Variants in MAGI2 observed in about 807,000 individuals in gnomAD.
MAGI2 encodes membrane-associated guanylate kinase, WW and PDZ domain-containing protein 2.
Under a neutral mutation model 133.3 loss-of-function variants are expected in MAGI2, and 35 were observed. That is an observed-to-expected ratio of 0.26 (90% CI 0.20 to 0.35). The LOEUF (loss-of-function observed/expected upper bound fraction) is 0.35, where lower values mean the gene tolerates loss of function less well. Ranked by LOEUF, MAGI2 falls within the 10% of genes least tolerant of loss-of-function variation. MAGI2 has a pLI of 1.00. For missense variants in MAGI2, 1,636 were observed against 1,863.4 expected (o/e 0.88, Z 2.25); for synonymous variants, 729 against 710.6 (o/e 1.03, Z -0.41).
At chr7:78,867,793 G>A (rs1794703149) in intron 2 of MAGI2, among the ~76,000 whole-genome samples, 1 of 152,124 alleles carries the variant, frequency 6.6e-6, no homozygotes, top group Non-Finnish European at 1.5e-5. Context: ...TAACATAAGA[G>A]TAAGAGACCG....
intron 1 of MAGI2, among the ~76,000 whole-genome samples, chr7:79,320,917 T>C (rs1383434423): frequency 6.6e-6 from 1 of 152,102 alleles, no homozygotes; most frequent in Non-Finnish European, 1.5e-5. Context: ...GGTTTCAAAG[T>C]TCTTATAACA....
intron 1 of MAGI2, among the ~76,000 whole-genome samples, chr7:79,270,961 G>C (rs1002526848): frequency 1.3e-5 from 2 of 151,718 alleles, no homozygotes; most frequent in African/African-American, 4.8e-5. Flanking sequence ...ACACTATCTT[G>C]GTATTTTTTT....
intron 10 of MAGI2, among the ~76,000 whole-genome samples, chr7:78,216,131 A>G (rs1788249004): frequency 2.0e-5 from 3 of 152,222 alleles, no homozygotes; most frequent in African/African-American, 4.8e-5. Context: ...TGTTTTAAGG[A>G]AATATCACCA....
intron 1 of MAGI2, among the ~76,000 whole-genome samples, chr7:79,427,495 A>C (rs966995254): frequency 4.6e-5 from 7 of 152,182 alleles, no homozygotes; most frequent in Non-Finnish European, 8.8e-5. Flanking sequence ...TATCACTTCT[A>C]ATAGAGCAAT....
chr7:79,095,657 C>G (rs1817452973), intron 1 of MAGI2, among the ~76,000 whole-genome samples: 1 of 152,136 alleles, frequency 6.6e-6, no homozygotes, highest in Admixed American at 6.6e-5. Flanking sequence ...GTCTGTGGAA[C>G]AGTCAGAACA....
intron 20 of MAGI2, among the ~76,000 whole-genome samples, chr7:78,097,451 G>A (rs193229182): frequency 6.6e-6 from 1 of 152,170 alleles, no homozygotes; most frequent in Admixed American, 6.5e-5. Context: ...AAGAAAATAT[G>A]GTACCTACAC....
chr7:78,911,653 A>T (rs1348243406), intron 2 of MAGI2, among the ~76,000 whole-genome samples: 2 of 122,448 alleles, frequency 1.6e-5, no homozygotes, highest in Non-Finnish European at 3.3e-5. Context: ...AAATTATAAA[A>T]AATTATGTGT....
intron 1 of MAGI2, among the ~76,000 whole-genome samples, chr7:79,024,369 C>G (rs1481146076): frequency 1.2e-4 from 19 of 152,138 alleles, no homozygotes; most frequent in African/African-American, 4.3e-4. Flanking sequence ...AAATCAAAAA[C>G]TATAAAAACC....
intron 3 of MAGI2, chr7:78,617,700 T>C (rs1181557291): frequency 1.3e-5 from 2 of 152,084 alleles, no homozygotes; most frequent in African/African-American, 2.4e-5. Flanking sequence ...GCATGGTCAA[T>C]AGAGGCCTCA....
At chr7:78,401,396 ACAC>A (rs1796847311) in intron 6 of MAGI2, among the ~76,000 whole-genome samples, 1 of 152,148 alleles carries the variant, frequency 6.6e-6, no homozygotes, top group Non-Finnish European at 1.5e-5. Flanking sequence ...TGGCTTGGCT[ACAC>A]ATTTTAAAAT....
intron 1 of MAGI2, among the ~76,000 whole-genome samples, chr7:79,448,865 A>T (rs1849040999): frequency 6.6e-6 from 1 of 152,290 alleles, no homozygotes; most frequent in Admixed American, 6.5e-5. Flanking sequence ...ACAGATAAAA[A>T]GCAAATAATC....
intron 4 of MAGI2, among the ~76,000 whole-genome samples, chr7:78,512,117 C>G (rs1187339158): frequency 7.0e-6 from 1 of 143,714 alleles, no homozygotes; most frequent in Admixed American, 7.0e-5. Context: ...AGCGAGACTT[C>G]GTCTCAAAAA....
intron 1 of MAGI2, among the ~76,000 whole-genome samples, chr7:79,312,958 G>C (rs1047302781): frequency 6.6e-6 from 1 of 152,054 alleles, no homozygotes; most frequent in African/African-American, 2.4e-5. Flanking sequence ...CTTTGTAAAT[G>C]AACATTTCTA....
intron 2 of MAGI2, among the ~76,000 whole-genome samples, chr7:78,646,959 G>C (rs1461803538): frequency 6.6e-6 from 1 of 152,218 alleles, no homozygotes; most frequent in African/African-American, 2.4e-5. Context: ...TGAGATACAG[G>C]CTACTTGAAT....
chr7:78,252,363 C>G (rs1792489424), intron 10 of MAGI2: 1 of 151,642 alleles, frequency 6.6e-6, no homozygotes, highest in Non-Finnish European at 1.5e-5. Context: ...AGAAATAAAC[C>G]TCCACATTTA....
chr7:78,652,206 T>C (rs767097555), intron 2 of MAGI2, among the ~76,000 whole-genome samples: 7 of 152,208 alleles, frequency 4.6e-5, no homozygotes, highest in Non-Finnish European at 7.4e-5. Flanking sequence ...ATTTCCGTTA[T>C]AGATCTCCAG....
At chr7:78,335,297 G>C (rs1007494363) in intron 9 of MAGI2, among the ~76,000 whole-genome samples, 1 of 152,114 alleles carries the variant, frequency 6.6e-6, no homozygotes, top group South Asian at 2.1e-4. Flanking sequence ...AGATCGGCTT[G>C]GCCATTTGCC....
At chr7:78,388,671 G>A (rs12540636) in intron 6 of MAGI2, among the ~76,000 whole-genome samples, 82,015 of 151,902 alleles carry the variant, frequency 0.54, 23,077 homozygotes, top group Middle Eastern at 0.65. Flanking sequence ...TATAAAGAAG[G>A]CACTGACTAG....
At chr7:78,432,270 C>G (rs1363272075) in intron 6 of MAGI2, among the ~76,000 whole-genome samples, 2 of 150,804 alleles carry the variant, frequency 1.3e-5, no homozygotes, top group Admixed American at 1.3e-4. Context: ...CTTGGCCTCA[C>G]AAAAATAGAA....
Sources: allele counts gnomAD v4.1 joint callset (sites outside exome capture counted in the v4.1 genomes callset), GRCh38; gene constraint gnomAD v4.1.1; transcripts MANE v1.5; gene names NCBI Gene and HGNC (gene_info 2026-07-23, HGNC 2026-07-21).